PLEKHG1: variants seen among roughly 807,000 people sequenced by gnomAD.
PLEKHG1 encodes pleckstrin homology and RhoGEF domain containing G1, also known as pleckstrin homology domain-containing family G member 1.
Under a neutral mutation model 100.8 loss-of-function variants are expected in PLEKHG1, and 44 were observed. That is an observed-to-expected ratio of 0.44 (90% CI 0.34 to 0.56). The LOEUF is 0.56. Among genes scored for constraint, PLEKHG1 ranks in the 20% least tolerant of loss-of-function variants. The pLI is 0.01. For missense variants in PLEKHG1, 1,545 were observed against 1,720.9 expected, an observed-to-expected ratio of 0.90 and a Z score of 1.81; for synonymous variants, 640 against 662.5, an observed-to-expected ratio of 0.97 and a Z score of 0.52.
chr6:150,817,893 G>A (rs1469711123), intron 10 of PLEKHG1, among the ~76,000 whole-genome samples: 4 of 151,796 alleles, frequency 2.6e-5, no homozygotes. Flanking sequence ...GCTGGCCAAT[G>A]AGTGCTGATG....
intron 1 of PLEKHG1, among the ~76,000 whole-genome samples, chr6:150,633,909 G>C (rs1041158712): frequency 5.3e-5 from 8 of 152,074 alleles, no homozygotes; most frequent in Non-Finnish European, 1.2e-4. Context: ...CCACAGTTCT[G>C]ACTGTCCCTT....
intron 3 of PLEKHG1, among the ~76,000 whole-genome samples, chr6:150,674,841 C>G (rs373215869): frequency 1.3e-5 from 2 of 152,022 alleles, no homozygotes; most frequent in African/African-American, 4.8e-5. Flanking sequence ...TACCACCATG[C>G]CTGGCTAATT....
chr6:150,784,265 A>C (rs552247663), intron 3 of PLEKHG1, among the ~76,000 whole-genome samples: 2 of 152,324 alleles, frequency 1.3e-5, no homozygotes, highest in South Asian at 4.1e-4. Flanking sequence ...ATGTCAACTA[A>C]GAGAAAACTT....
chr6:150,703,614 A>AG (rs1491290652), intron 3 of PLEKHG1, among the ~76,000 whole-genome samples: 1 of 135,756 alleles, frequency 7.4e-6, no homozygotes, highest in Non-Finnish European at 1.5e-5. Context: ...AAAAAAAAAA[A>AG]CAAAACAACT....
chr6:150,803,086 T>G (rs539646474), intron 6 of PLEKHG1, among the ~76,000 whole-genome samples: 1 of 152,334 alleles, frequency 6.6e-6, no homozygotes, highest in East Asian at 1.9e-4. Flanking sequence ...ATCATTATGT[T>G]TTTAAATTTG....
At chr6:150,700,280 G>A (rs1049286500) in intron 3 of PLEKHG1, among the ~76,000 whole-genome samples, 1 of 152,208 alleles carries the variant, frequency 6.6e-6, no homozygotes, top group African/African-American at 2.4e-5. Flanking sequence ...TCATTCTGGA[G>A]CAGCCACAGA....
At chr6:150,693,602 A>C (rs945690916) in intron 3 of PLEKHG1, among the ~76,000 whole-genome samples, 3 of 152,042 alleles carry the variant, frequency 2.0e-5, no homozygotes. Flanking sequence ...CCACTCCCCC[A>C]TGTGTTTCGT....
chr6:150,828,462 G>T (rs1394609004), intron 14 of PLEKHG1: 11 of 1,250,758 alleles, frequency 8.8e-6, no homozygotes, highest in East Asian at 2.5e-5. Flanking sequence ...AAGCAAGAAT[G>T]AATCCTTGTG....
At chr6:150,715,702 C>T (rs1781402240) in intron 3 of PLEKHG1, among the ~76,000 whole-genome samples, 1 of 150,726 alleles carries the variant, frequency 6.6e-6, no homozygotes, top group African/African-American at 2.4e-5. Flanking sequence ...GTAGGCTGGT[C>T]TCGAACTCCT....
At chr6:150,613,872 C>A (rs1776953183) in intron 1 of PLEKHG1, among the ~76,000 whole-genome samples, 2 of 152,224 alleles carry the variant, frequency 1.3e-5, no homozygotes, top group African/African-American at 2.4e-5. Flanking sequence ...TTATCTAGGT[C>A]TGCGTTTTTT....
At chr6:150,722,102 A>ATCTATTTC (rs1453858246) in intron 1 of PLEKHG1, among the ~76,000 whole-genome samples, 2 of 152,106 alleles carry the variant, frequency 1.3e-5, no homozygotes, top group Non-Finnish European at 2.9e-5. Flanking sequence ...TATTCCTTCA[A>ATCTATTTC]TCTATTTCTA....
intron 2 of PLEKHG1, among the ~76,000 whole-genome samples, chr6:150,739,384 G>T (rs1297822079): frequency 2.6e-5 from 4 of 152,012 alleles, no homozygotes; most frequent in Non-Finnish European, 4.4e-5. Context: ...GCTAAGTAAT[G>T]GGGCCAGGAG....
chr6:150,655,707 CAAAAAAAA>C (rs775753925), intron 3 of PLEKHG1, among the ~76,000 whole-genome samples: 2 of 38,358 alleles, frequency 5.2e-5, no homozygotes, highest in African/African-American at 1.7e-4. Flanking sequence ...GACTCCATCT[CAAAAAAAA>C]AAAAAAAAAA....
At chr6:150,832,005 G>A (rs1218859092) in exon 15 of PLEKHG1, 15 of 1,613,716 alleles carry the variant, frequency 9.3e-6, no homozygotes, top group Non-Finnish European at 1.3e-5. Flanking sequence ...CCTGACCTGG[G>A]GATGGAGGCC....
intron 1 of PLEKHG1, among the ~76,000 whole-genome samples, chr6:150,621,268 T>C (rs1777287739): frequency 6.6e-6 from 1 of 152,180 alleles, no homozygotes; most frequent in East Asian, 1.9e-4. Context: ...GCTGTTGCTT[T>C]GCTAGGAGAT....
intron 3 of PLEKHG1, among the ~76,000 whole-genome samples, chr6:150,715,612 C>T (rs923993256): frequency 3.3e-5 from 5 of 150,918 alleles, no homozygotes; most frequent in Admixed American, 2.0e-4. Context: ...CTCAGTCTCC[C>T]GAGTAACTGG....
At chr6:150,795,124 C>T (rs1434063506) in intron 4 of PLEKHG1, among the ~76,000 whole-genome samples, 1 of 152,170 alleles carries the variant, frequency 6.6e-6, no homozygotes, top group Admixed American at 6.5e-5. Flanking sequence ...CATAGTGGCT[C>T]ATGCCTGTAA....
In PLEKHG1 at chr6:150,768,726, A is replaced by G. The variant is rs752780025; in HGVS notation, c.500A>G (p.Tyr167Cys). The G allele has an allele frequency of 3.8e-6, 6 of 1,576,482 alleles. No individual in the cohort carries two copies. Among genetic ancestry groups the G allele is most frequent in the Middle Eastern group, 3.3e-4 (2 of 5,994 alleles). ...CTTTTTGGAAACATACAGGATATCT[A>G]CCACTTCAATAGGTAAGTTAATATT... The change falls in exon 3 of 16, where the codon TAC becomes TGC. Residue 167 changes from tyrosine to cysteine, a missense_variant. By Grantham distance (194) the Tyr-to-Cys change is radical (BLOSUM62 -2). Transcript: ENST00000358517.
intron 1 of PLEKHG1, among the ~76,000 whole-genome samples, chr6:150,623,662 G>A (rs1425223094): frequency 6.6e-6 from 1 of 152,228 alleles, no homozygotes; most frequent in African/African-American, 2.4e-5. Context: ...CTGTACAATT[G>A]TGGTGCTCTT....
Sources: allele counts gnomAD v4.1 joint callset (sites outside exome capture counted in the v4.1 genomes callset), GRCh38; gene constraint gnomAD v4.1.1; transcripts MANE v1.5; gene names NCBI Gene and HGNC (gene_info 2026-07-23, HGNC 2026-07-21).